Variants in ZDHHC14 observed in about 807,000 individuals in gnomAD.
The protein encoded by ZDHHC14 is palmitoyltransferase ZDHHC14.
A neutral mutation model predicts 47.7 loss-of-function variants in ZDHHC14; 16 were observed. The ratio of observed to expected loss-of-function variants is 0.34; its 90% CI spans 0.23 to 0.51. The LOEUF is 0.51. Among genes scored for constraint, ZDHHC14 ranks in the 20% least tolerant of loss-of-function variants. The pLI, the probability that ZDHHC14 is intolerant of heterozygous loss-of-function variation, is 0.97. For synonymous variants in ZDHHC14, 293 were observed against 278.9 expected (o/e 1.05, Z -0.50); for missense variants, 515 against 662.5 (o/e 0.78, Z 2.44).
intron 1 of ZDHHC14, among the ~76,000 whole-genome samples, chr6:157,442,927 A>G (rs1311804021): frequency 6.6e-6 from 1 of 152,124 alleles, no homozygotes; most frequent in Admixed American, 6.5e-5. Context: ...TGAGGTAGTC[A>G]TTTCCTCTGT....
intron 1 of ZDHHC14, among the ~76,000 whole-genome samples, chr6:157,404,644 A>C (rs1008178116): frequency 6.6e-6 from 1 of 152,156 alleles, no homozygotes; most frequent in African/African-American, 2.4e-5. Context: ...TTTCCTAGCA[A>C]TGAGTCAAGG....
At chr6:157,417,457 G>A (rs1258542172) in intron 1 of ZDHHC14, among the ~76,000 whole-genome samples, 1 of 152,162 alleles carries the variant, frequency 6.6e-6, no homozygotes, top group Non-Finnish European at 1.5e-5. Flanking sequence ...TTTAAGAGCT[G>A]CTTAGCATTC....
chr6:157,613,730 T>C (rs1784841397), intron 3 of ZDHHC14, among the ~76,000 whole-genome samples: 2 of 152,140 alleles, frequency 1.3e-5, no homozygotes, highest in Admixed American at 6.5e-5. Flanking sequence ...TCAGTTTCTG[T>C]GAACTAACCT....
chr6:157,671,440 T>G (rs919437246), intron 8 of ZDHHC14, among the ~76,000 whole-genome samples: 1 of 152,204 alleles, frequency 6.6e-6, no homozygotes, highest in Non-Finnish European at 1.5e-5. Flanking sequence ...TCACCTAATA[T>G]CCATGTCTGT....
Position 157,611,472 on chromosome 6 carries a change from C to T in ZDHHC14, c.566-16877C>T, listed in dbSNP as rs373425664. On this transcript the variant is annotated intron_variant, in intron 3 of 8. Coordinates refer to ENST00000359775, the MANE Select transcript of ZDHHC14 (RefSeq NM_024630.3). ...AATACAGTTTTTTGGAGAGAGCATCCCTGGCCAATAGGAAAGCTTCAACAA... is the reference window on the plus strand; with the variant it reads ...AATACAGTTTTTTGGAGAGAGCATCTCTGGCCAATAGGAAAGCTTCAACAA... Among the ~76,000 whole-genome samples the T allele has an allele frequency of 6.2e-4, 94 of 152,162 alleles. No homozygotes were observed. In the South Asian group the frequency reaches 8.5e-3, roughly 14 times the overall value.
chr6:157,484,328 C>CACATATATATAT (rs1562443883), intron 1 of ZDHHC14, among the ~76,000 whole-genome samples: 2 of 82,676 alleles, frequency 2.4e-5, no homozygotes, highest in Non-Finnish European at 5.1e-5. Flanking sequence ...CATATATATA[C>CACATATATATAT]GTATATATAC....
chr6:157,647,264 A>T lies in ZDHHC14; in HGVS notation c.861A>T (p.Lys287Asn), dbSNP rs1350135776. The T allele has an allele frequency of 6.2e-7, 1 of 1,612,512 alleles. No individual in the cohort carries two copies. Among genetic ancestry groups the T allele is most frequent in the African/African-American group, 1.3e-5 (1 of 74,898 alleles). ...TGACTTTCCTTTTCTTTCAGATTAA[A>T]GGATCCTGGTCAAATAAAAGAGGTA... ...SSNQTTNEDI[K>N]GSWSNKRGKE... The change falls in exon 7 of 9, where the codon AAA (lysine) becomes AAT (asparagine). Residue 287 changes from lysine (K) to asparagine (N), a missense_variant. Coordinates refer to ENST00000359775, the MANE Select transcript of ZDHHC14 (RefSeq NM_024630.3).
chr6:157,664,075 C>A (rs768019127), intron 8 of ZDHHC14, among the ~76,000 whole-genome samples: 1 of 152,138 alleles, frequency 6.6e-6, no homozygotes, highest in Non-Finnish European at 1.5e-5. Flanking sequence ...CCTTTCAGTC[C>A]CCACAACCCA....
chr6:157,619,714 GTT>G (rs11305726), intron 3 of ZDHHC14, among the ~76,000 whole-genome samples: 9 of 147,206 alleles, frequency 6.1e-5, no homozygotes, highest in Non-Finnish European at 1.2e-4. Context: ...TTTAGGGTTT[GTT>G]TTTTTTTTTT....
At chr6:157,407,171 C>A (rs2114753606) in intron 1 of ZDHHC14, among the ~76,000 whole-genome samples, 2 of 152,244 alleles carry the variant, frequency 1.3e-5, no homozygotes, top group Middle Eastern at 6.8e-3. Flanking sequence ...CCACAGCCGC[C>A]CACCTAGTAA....
At chr6:157,492,452 C>T (rs1480921329) in intron 1 of ZDHHC14, among the ~76,000 whole-genome samples, 7 of 145,088 alleles carry the variant, frequency 4.8e-5, no homozygotes, top group Admixed American at 3.3e-4. Context: ...AGCGGGAAAG[C>T]GGGAAGGCGG....
chr6:157,484,267 A>G (rs1177514395), intron 1 of ZDHHC14, among the ~76,000 whole-genome samples: 2 of 141,816 alleles, frequency 1.4e-5, no homozygotes, highest in African/African-American at 2.6e-5. Flanking sequence ...TTATATATAT[A>G]TGTATATATA....
Position 157,673,001 on chromosome 6 carries a change from G to A in ZDHHC14, c.1346G>A (p.Arg449Lys). The stretch of plus-strand genomic sequence containing the variant: ...CCCGATGAGGCGCCCTCGCCCCCCA[G>A]GCTACTGGCGGCGGGCAGCCCCCTG... ...LTPDEAPSPPRLLAAGSPLAH... is the reference protein window; with the variant it reads ...LTPDEAPSPPKLLAAGSPLAH... Residue 449 changes from arginine to lysine, a missense_variant, in exon 9 of 9, where the codon AGG becomes AAG. Physicochemically the swap from Arg to Lys is conservative, Grantham distance 26. Transcript: ENST00000359775. The surrounding 1 kb of genome is among the most constrained non-coding windows in gnomAD (Gnocchi z 5.4). The A allele has an allele frequency of 6.3e-7, 1 of 1,577,482 alleles. No individual in the cohort carries two copies. Among genetic ancestry groups the A allele is most frequent in the Admixed American group, 1.8e-5 (1 of 56,576 alleles).
At chr6:157,654,265 G>A (rs577605049) in intron 8 of ZDHHC14, among the ~76,000 whole-genome samples, 104 of 151,914 alleles carry the variant, frequency 6.8e-4, no homozygotes, top group Non-Finnish European at 1.1e-3. Flanking sequence ...GAGATCTGGG[G>A]GAGGGGGCAG....
intron 2 of ZDHHC14, among the ~76,000 whole-genome samples, chr6:157,552,079 C>A (rs531469627): frequency 4.6e-5 from 7 of 152,072 alleles, no homozygotes; most frequent in Admixed American, 1.3e-4. Context: ...GAAGAAATGA[C>A]GTCTTCTGTT....
chr6:157,446,498 C>T (rs1163386357), intron 1 of ZDHHC14, among the ~76,000 whole-genome samples: 1 of 152,104 alleles, frequency 6.6e-6, no homozygotes, highest in African/African-American at 2.4e-5. Context: ...CAACCTCTGC[C>T]TCCCAGGTTC....
chr6:157,545,604 G>C (rs1384915067), intron 2 of ZDHHC14, among the ~76,000 whole-genome samples: 1 of 152,068 alleles, frequency 6.6e-6, no homozygotes, highest in Non-Finnish European at 1.5e-5. Context: ...CATGAACCCG[G>C]GAGGCAGAGC....
chr6:157,588,918 T>C (rs1352229695), intron 2 of ZDHHC14, among the ~76,000 whole-genome samples: 1 of 152,172 alleles, frequency 6.6e-6, no homozygotes, highest in Non-Finnish European at 1.5e-5. Context: ...TGTCAGATGA[T>C]ATGGATGCTG....
At chr6:157,671,609 C>T (rs1249877915) in intron 8 of ZDHHC14, among the ~76,000 whole-genome samples, 2 of 152,130 alleles carry the variant, frequency 1.3e-5, no homozygotes, top group African/African-American at 4.8e-5. Flanking sequence ...GGGTGCCTGT[C>T]GCATAGCCTG....
Sources: gnomAD v4.1 joint callset for allele counts (sites outside exome capture counted in the v4.1 genomes callset) on GRCh38, gnomAD v4.1.1 for gene constraint, Gnocchi (gnomAD v3.1) non-coding constraint, MANE v1.5 for transcripts, NCBI Gene and HGNC (gene_info 2026-07-23, HGNC 2026-07-21) for gene names.